The following GPR35 variants were observed in gnomAD, a reference collection of about 807,000 sequenced individuals.
GPR35 encodes G protein-coupled receptor 35.
For missense variants in GPR35, 372 were observed against 422.5 expected, an observed-to-expected ratio of 0.88 and a Z score of 1.05; for synonymous variants, 207 against 198.4, an observed-to-expected ratio of 1.04 and a Z score of -0.36.
chr2:240,621,477 A>T (rs535117948), upstream of GPR35, among the ~76,000 whole-genome samples: 105 of 150,766 alleles, frequency 7.0e-4, no homozygotes, highest in African/African-American at 2.4e-3. Context: ...CTGGTCTTGA[A>T]CTCCTGACCT....
At position 240,630,759 on chromosome 2, in the gene GPR35, C is replaced by T; in HGVS notation, c.807C>T (p.Cys269=). The T allele has an allele frequency of 6.2e-7, 1 of 1,613,584 alleles. No homozygotes were observed. Among genetic ancestry groups the T allele is most frequent in the Non-Finnish European group, 8.5e-7 (1 of 1,180,038 alleles). ...YITSKLSDAN[C]CLDAICYYYM... ...CCAGCAAGCTCTCAGATGCCAACTG[C>T]TGCCTGGACGCCATCTGCTACTACT... Residue 269 remains cysteine (C), a synonymous_variant, in exon 2 of 2, where the codon TGC becomes TGT. Coordinates refer to ENST00000407714, the MANE Select transcript of GPR35 (RefSeq NM_005301.5).
upstream of GPR35, among the ~76,000 whole-genome samples, chr2:240,622,546 C>T (rs562266321): frequency 1.2e-4 from 19 of 152,338 alleles, 1 homozygote; most frequent in South Asian, 1.0e-3. Context: ...AAGGTCTCTG[C>T]GTAAATCTCA....
At chr2:240,616,741 T>TAAAAAA (rs767683322) in intron 3 of GPR35, among the ~76,000 whole-genome samples, 1 of 99,938 alleles carries the variant, frequency 1.0e-5, no homozygotes, top group Non-Finnish European at 1.9e-5. Flanking sequence ...AACAATACAG[T>TAAAAAA]AAAAAAAAAA....
intron 2 of GPR35, among the ~76,000 whole-genome samples, chr2:240,612,150 A>G (rs565195403): frequency 6.6e-6 from 1 of 152,092 alleles, no homozygotes; most frequent in African/African-American, 2.4e-5. Flanking sequence ...GATCTACTCA[A>G]CATCTTATTA....
chr2:240,631,345 A>C lies in GPR35; in HGVS notation c.*463A>C. The C allele has an allele frequency of 5.1e-6, 1 of 194,740 alleles. No individual in the cohort carries two copies. Among genetic ancestry groups the C allele is most frequent in the Non-Finnish European group, 1.2e-5 (1 of 85,418 alleles). The allele number at this position is 194,740 out of a possible 1,614,324, so 12.1% of individuals were successfully genotyped here. ...GAGGGCTGGCGGACATCTTCCAGGG[A>C]CCCTTCGGGGCTCTTCACTTTGAGG... On this transcript the variant is annotated 3_prime_UTR_variant, in exon 2 of 2. Transcript: ENST00000407714.
At chr2:240,625,213 TG>T, upstream of GPR35, 1 of 960,680 alleles carries the variant, frequency 1.0e-6, no homozygotes. Context: ...GGAGCGTCTC[TG>T]GTTTTGCTGT....
At chr2:240,627,164 C>T (rs1419255900) in intron 1 of GPR35, among the ~76,000 whole-genome samples, 1 of 152,156 alleles carries the variant, frequency 6.6e-6, no homozygotes, top group African/African-American at 2.4e-5. Context: ...GGAGCTGAGG[C>T]GGGAGGCCAG....
upstream of GPR35, among the ~76,000 whole-genome samples, chr2:240,623,073 G>A (rs771548602): frequency 5.1e-4 from 77 of 152,304 alleles, no homozygotes; most frequent in Non-Finnish European, 7.8e-4. Context: ...TGAGCCGGGC[G>A]CCGACGACGA....
intron 2 of GPR35, among the ~76,000 whole-genome samples, chr2:240,613,097 G>C (rs56762428): frequency 6.6e-6 from 1 of 151,972 alleles, no homozygotes; most frequent in African/African-American, 2.4e-5. Flanking sequence ...AAGGAGTGAG[G>C]CAGAGCCTGA....
In GPR35 at chr2:240,630,275, C is replaced by T. The variant is rs3749171; in HGVS notation, c.323C>T (p.Thr108Met). The stretch of plus-strand genomic sequence containing the variant: ...AGGTACATGAGCATCAGCCTGGTCA[C>T]GGCCATCGCCGTGGACCGCTATGTG... ...TNRYMSISLV[T>M]AIAVDRYVAV... The change falls in exon 2 of 2, where the codon ACG becomes ATG. Residue 108 changes from threonine to methionine, a missense_variant. Thr to Met is a moderately conservative substitution (Grantham distance 81, BLOSUM62 -1). Coordinates refer to ENST00000407714, the MANE Select transcript of GPR35 (RefSeq NM_005301.5). 273,641 of 1,563,974 alleles carry T rather than the reference C, an allele frequency of 0.17. 25,182 individuals are homozygous for T. Among genetic ancestry groups the T allele is most frequent in the African/African-American group, 0.22 (16,365 of 74,334 alleles).
intron 5 of GPR35, among the ~76,000 whole-genome samples, chr2:240,619,744 C>T (rs1459481470): frequency 6.6e-6 from 1 of 152,230 alleles, no homozygotes; most frequent in East Asian, 1.9e-4. Context: ...CGCCAGACTC[C>T]CCCAACCGGA....
intron 2 of GPR35, among the ~76,000 whole-genome samples, chr2:240,614,592 C>G (rs1401584308): frequency 6.6e-6 from 1 of 152,242 alleles, no homozygotes; most frequent in African/African-American, 2.4e-5. Context: ...GGACTCTGCT[C>G]TCCCGGTTCT....
intron 2 of GPR35, among the ~76,000 whole-genome samples, chr2:240,613,931 C>T (rs1240400591): frequency 6.6e-6 from 1 of 151,976 alleles, no homozygotes; most frequent in Non-Finnish European, 1.5e-5. Context: ...ATAACCCTAA[C>T]CGAAACTCTA....
intron 2 of GPR35, among the ~76,000 whole-genome samples, chr2:240,609,843 T>C (rs2043166188): frequency 1.3e-5 from 2 of 152,254 alleles, no homozygotes; most frequent in Non-Finnish European, 2.9e-5. Flanking sequence ...TGAATTTGTC[T>C]GTTTATCCTT....
At chr2:240,611,088 A>C (rs2043178543) in intron 2 of GPR35, among the ~76,000 whole-genome samples, 1 of 151,956 alleles carries the variant, frequency 6.6e-6, no homozygotes, top group Non-Finnish European at 1.5e-5. Context: ...GCGTGCCACT[A>C]CGCCCAGCTG....
chr2:240,624,804 G>A (rs763189272), upstream of GPR35, among the ~76,000 whole-genome samples: 3 of 152,140 alleles, frequency 2.0e-5, no homozygotes, highest in East Asian at 1.9e-4. Context: ...GAAGATGTCC[G>A]CTGAGGAGTT....
At chr2:240,614,587 C>G (rs1297828821) in intron 2 of GPR35, among the ~76,000 whole-genome samples, 1 of 152,248 alleles carries the variant, frequency 6.6e-6, no homozygotes, top group African/African-American at 2.4e-5. Flanking sequence ...GAGGAGGACT[C>G]TGCTCTCCCG....
upstream of GPR35, among the ~76,000 whole-genome samples, chr2:240,622,613 C>T (rs539783482): frequency 6.6e-4 from 100 of 152,340 alleles, 1 homozygote; most frequent in African/African-American, 2.0e-3. Flanking sequence ...GCCCGCAGCC[C>T]GAGTGTTGGA....
At chr2:240,616,491 C>T (rs756108665) in exon 3 of GPR35, 1 of 780,654 alleles carries the variant, frequency 1.3e-6, no homozygotes, top group Non-Finnish European at 2.4e-6. Flanking sequence ...CGAGTCAGCT[C>T]CGATACTTCA....
Sources: gnomAD v4.1 joint callset for allele counts (sites outside exome capture counted in the v4.1 genomes callset) on GRCh38, gnomAD v4.1.1 for gene constraint, MANE v1.5 for transcripts, NCBI Gene and HGNC (gene_info 2026-07-23, HGNC 2026-07-21) for gene names.